The following SPOPL variants were observed in gnomAD, a reference collection of about 807,000 sequenced individuals.
The protein encoded by SPOPL is speckle type BTB/POZ protein like, also known as speckle-type POZ protein-like.
SPOPL carries 23 observed loss-of-function variants against 53.8 expected under a neutral mutation model. The ratio of observed to expected loss-of-function variants is 0.43; its 90% CI spans 0.31 to 0.61. The LOEUF (loss-of-function observed/expected upper bound fraction) is 0.61, where lower values mean the gene tolerates loss of function less well. Among genes scored for constraint, SPOPL ranks in the 20% least tolerant of loss-of-function variants. The pLI is 0.12. For synonymous variants in SPOPL, 164 were observed against 149.7 expected (o/e 1.10, Z -0.70); for missense variants, 442 against 466.9 (o/e 0.95, Z 0.49).
chr2:138,510,028 TC>T (rs796127999), intron 1 of SPOPL, among the ~76,000 whole-genome samples: 1 of 152,354 alleles, frequency 6.6e-6, no homozygotes, highest in African/African-American at 2.4e-5. Context: ...ATTTTAAGTT[TC>T]CTCTATGTCT....
intron 1 of SPOPL, among the ~76,000 whole-genome samples, chr2:138,529,536 T>TGTGTGTGTGCGCGCG (rs72375808): frequency 1.0e-5 from 1 of 97,586 alleles, no homozygotes; most frequent in African/African-American, 3.6e-5. Flanking sequence ...GTGTGTGTGT[T>TGTGTGTGTGCGCGCG]TGCGTGCGCG....
At chr2:138,535,746 T>G (rs977180581) in intron 1 of SPOPL, among the ~76,000 whole-genome samples, 2 of 152,102 alleles carry the variant, frequency 1.3e-5, no homozygotes, top group Admixed American at 6.5e-5. Flanking sequence ...GTCTTTCTTC[T>G]CCTTCTGATA....
chr2:138,518,993 T>G (rs1205328693), intron 1 of SPOPL, among the ~76,000 whole-genome samples: 1 of 152,330 alleles, frequency 6.6e-6, no homozygotes, highest in East Asian at 1.9e-4. Flanking sequence ...GTGTCTTCTG[T>G]ACATTCCCAT....
intron 1 of SPOPL, among the ~76,000 whole-genome samples, chr2:138,505,035 C>T (rs1229758427): frequency 6.6e-6 from 1 of 152,102 alleles, no homozygotes. Context: ...ACATAGTTCT[C>T]ATCTATTACT....
At chr2:138,541,914 C>G (rs1198287438) in intron 1 of SPOPL, among the ~76,000 whole-genome samples, 1 of 152,122 alleles carries the variant, frequency 6.6e-6, no homozygotes, top group Non-Finnish European at 1.5e-5. Flanking sequence ...TTGAATGCAT[C>G]CCAGAGATTC....
intron 1 of SPOPL, among the ~76,000 whole-genome samples, chr2:138,543,756 A>G (rs1685127462): frequency 6.6e-6 from 1 of 152,088 alleles, no homozygotes; most frequent in African/African-American, 2.4e-5. Context: ...TTCTCCATCC[A>G]GCTTTGTTCT....
chr2:138,553,187 C>T (rs956799296), intron 5 of SPOPL, among the ~76,000 whole-genome samples: 2 of 151,936 alleles, frequency 1.3e-5, no homozygotes, highest in Non-Finnish European at 2.9e-5. Flanking sequence ...AAGATATGCC[C>T]GTGTCTATTG....
At chr2:138,561,028 A>G in intron 8 of SPOPL, 101 bp downstream of exon 8, 2 of 1,418,780 alleles carry the variant, frequency 1.4e-6, no homozygotes, top group Non-Finnish European at 1.9e-6. Flanking sequence ...TATTTTGTAG[A>G]TGGCTCTTGA....
chr2:138,547,254 C>G (rs1016448318), intron 1 of SPOPL, among the ~76,000 whole-genome samples: 1 of 152,152 alleles, frequency 6.6e-6, no homozygotes, highest in African/African-American at 2.4e-5. Context: ...GCGTGAGCCA[C>G]CGTGCCTGAC....
Position 138,539,625 on chromosome 2 carries a change from A to G in SPOPL, c.-60-10532A>G, listed in dbSNP as rs1685020942. ...TGTTTTTTTCTTGTAAATTTGTTTG[A>G]GTTCTTTGTAGATTCTGAATATTAG... On this transcript the variant is annotated intron_variant, in intron 1 of 10. Coordinates refer to ENST00000280098, the MANE Select transcript of SPOPL (RefSeq NM_001001664.3). Among the ~76,000 whole-genome samples, 5 of 151,976 alleles carry G rather than the reference A, an allele frequency of 3.3e-5. No homozygotes were observed. The South Asian group carries it at 8.3e-4, about 25-fold the overall frequency.
chr2:138,522,647 C>T (rs1684583384), intron 1 of SPOPL, among the ~76,000 whole-genome samples: 1 of 152,084 alleles, frequency 6.6e-6, no homozygotes, highest in South Asian at 2.1e-4. Context: ...GTTGCCATTA[C>T]TGCATCTTTA....
intron 1 of SPOPL, among the ~76,000 whole-genome samples, chr2:138,513,153 C>A (rs1684363574): frequency 6.6e-6 from 1 of 152,224 alleles, no homozygotes; most frequent in South Asian, 2.1e-4. Context: ...CATGATGGCT[C>A]ACGCCTGTAA....
At chr2:138,542,454 T>C (rs1369799520) in intron 1 of SPOPL, among the ~76,000 whole-genome samples, 1 of 152,240 alleles carries the variant, frequency 6.6e-6, no homozygotes, top group Non-Finnish European at 1.5e-5. Context: ...GATAGTTAGC[T>C]GTTCTTGTTG....
At chr2:138,563,341 G>A (rs951693251) in intron 8 of SPOPL, among the ~76,000 whole-genome samples, 5 of 152,074 alleles carry the variant, frequency 3.3e-5, no homozygotes, top group African/African-American at 1.2e-4. Context: ...AATTAGCCTG[G>A]TGTGGTGCCA....
intron 1 of SPOPL, among the ~76,000 whole-genome samples, chr2:138,541,352 A>G (rs1033175171): frequency 4.6e-5 from 7 of 152,190 alleles, no homozygotes; most frequent in African/African-American, 1.4e-4. Context: ...GGTAGAATTC[A>G]GCTGTGAATC....
intron 1 of SPOPL, among the ~76,000 whole-genome samples, chr2:138,537,592 T>C (rs1384029856): frequency 6.6e-6 from 1 of 152,170 alleles, no homozygotes; most frequent in African/African-American, 2.4e-5. Context: ...CACAAGACAA[T>C]ATGAAGGGTG....
At chr2:138,524,939 CCTT>C (rs1265135761) in intron 1 of SPOPL, among the ~76,000 whole-genome samples, 1 of 151,970 alleles carries the variant, frequency 6.6e-6, no homozygotes, top group East Asian at 1.9e-4. Context: ...TTTCCTGCCT[CCTT>C]CTGAGCCCTC....
chr2:138,545,839 C>T (rs75367083), intron 1 of SPOPL, among the ~76,000 whole-genome samples: 1,630 of 152,268 alleles, frequency 0.011, 33 homozygotes, highest in African/African-American at 0.037. Context: ...AGTTTTGGAG[C>T]TCTCTACTAT....
At chr2:138,551,375 A>G (rs1685310165) in intron 4 of SPOPL, among the ~76,000 whole-genome samples, 1 of 152,016 alleles carries the variant, frequency 6.6e-6, no homozygotes, top group African/African-American at 2.4e-5. Context: ...CGTGCTCAGG[A>G]AGCATTTCTC....
Sources: allele counts gnomAD v4.1 joint callset (sites outside exome capture counted in the v4.1 genomes callset), GRCh38; gene constraint gnomAD v4.1.1; transcripts MANE v1.5; gene names NCBI Gene and HGNC (gene_info 2026-07-23, HGNC 2026-07-21).